PHAF1: variants seen among roughly 807,000 people sequenced by gnomAD.
PHAF1 encodes phagophore assembly factor 1.
Under a neutral mutation model 63.1 loss-of-function variants are expected in PHAF1, and 23 were observed. That is an observed-to-expected ratio of 0.36 (90% CI 0.26 to 0.52). The LOEUF (loss-of-function observed/expected upper bound fraction) is 0.52. Among genes scored for constraint, PHAF1 ranks in the 20% least tolerant of loss-of-function variants. PHAF1 has a pLI of 0.93. For synonymous variants in PHAF1, 167 were observed against 185.0 expected (o/e 0.90, Z 0.79); for missense variants, 427 against 517.2 (o/e 0.83, Z 1.69).
chr16:67,144,737 G>A, intron 11 of PHAF1, 97 bp from the exon 12 acceptor site: 1 of 1,370,018 alleles, frequency 7.3e-7, no homozygotes, highest in Non-Finnish European at 1.0e-6. Context: ...TTGGGCAGGT[G>A]TGTTTGGTTC....
At chr16:67,125,846 G>A (rs1231429785) in intron 2 of PHAF1, 113 bp from the exon 3 acceptor site, 2 of 757,534 alleles carry the variant, frequency 2.6e-6, no homozygotes, top group East Asian at 5.2e-5. Flanking sequence ...GAGGAGAGAG[G>A]GACTGTCTGC....
At chr16:67,144,672 G>A (rs774785322) in intron 11 of PHAF1, among the ~76,000 whole-genome samples, 162 bp from the exon 12 acceptor site, 25 of 152,166 alleles carry the variant, frequency 1.6e-4, no homozygotes, top group African/African-American at 3.6e-4. Flanking sequence ...TTCGACTTCC[G>A]TGCCTAAATC....
chr16:67,113,537 C>T (rs111485993), intron 1 of PHAF1, among the ~76,000 whole-genome samples: 156 of 150,766 alleles, frequency 1.0e-3, no homozygotes, highest in Admixed American at 3.2e-3. Context: ...GCAAGCTCCA[C>T]CTCCCAGGTT....
chr16:67,124,593 T>C (rs1963107549), intron 2 of PHAF1, among the ~76,000 whole-genome samples: 1 of 152,138 alleles, frequency 6.6e-6, no homozygotes, highest in African/African-American at 2.4e-5. Context: ...ATAAAGAAAC[T>C]AAACCTTTGG....
intron 1 of PHAF1, among the ~76,000 whole-genome samples, chr16:67,112,114 C>T (rs1218345144): frequency 1.3e-5 from 2 of 152,076 alleles, no homozygotes; most frequent in Non-Finnish European, 2.9e-5. Context: ...CCTCCCCTCT[C>T]CTTGACAGCT....
intron 10 of PHAF1, among the ~76,000 whole-genome samples, chr16:67,141,482 C>T (rs1280075987): frequency 1.3e-5 from 2 of 152,222 alleles, no homozygotes; most frequent in African/African-American, 2.4e-5. Flanking sequence ...TGCTTGCTCC[C>T]GCTGGGCTCA....
At chr16:67,145,525 G>A in intron 13 of PHAF1, 45 bp from the exon 14 acceptor site, 3 of 1,613,394 alleles carry the variant, frequency 1.9e-6, no homozygotes, top group Non-Finnish European at 2.5e-6. Context: ...TCACAGACAT[G>A]TTCATGTCCC....
intron 14 of PHAF1, among the ~76,000 whole-genome samples, chr16:67,145,936 C>G (rs964720750): frequency 2.6e-5 from 4 of 152,104 alleles, no homozygotes; most frequent in Non-Finnish European, 4.4e-5. Flanking sequence ...GGCTCTTTTT[C>G]CCTTTGAGCT....
intron 10 of PHAF1, among the ~76,000 whole-genome samples, chr16:67,142,024 A>C (rs1285885525): frequency 6.6e-6 from 1 of 152,218 alleles, no homozygotes; most frequent in Admixed American, 6.5e-5. Flanking sequence ...AGACAGCTGG[A>C]GGGTGAGCAA....
At chr16:67,119,879 G>C (rs1039275482) in intron 1 of PHAF1, among the ~76,000 whole-genome samples, 4 of 152,084 alleles carry the variant, frequency 2.6e-5, no homozygotes, top group Admixed American at 6.6e-5. Context: ...AAGAGTCCTT[G>C]CATTCAAAGA....
At chr16:67,131,097 T>C (rs1274377488) in intron 3 of PHAF1, among the ~76,000 whole-genome samples, 189 bp from the exon 4 acceptor site, 1 of 151,738 alleles carries the variant, frequency 6.6e-6, no homozygotes, top group Non-Finnish European at 1.5e-5. Context: ...TAAGATTCTA[T>C]CTCTACAAAA....
chr16:67,121,907 A>C (rs772354053), intron 2 of PHAF1, among the ~76,000 whole-genome samples: 11 of 151,614 alleles, frequency 7.3e-5, no homozygotes, highest in Non-Finnish European at 1.6e-4. Context: ...AATTTATTTT[A>C]GTTTTTTTGA....
At chr16:67,143,796 A>AT (rs1963892177) in intron 10 of PHAF1, among the ~76,000 whole-genome samples, 1 of 151,990 alleles carries the variant, frequency 6.6e-6, no homozygotes, top group African/African-American at 2.4e-5. Flanking sequence ...GACAGAAAAG[A>AT]TAAGGTATGG....
intron 1 of PHAF1, among the ~76,000 whole-genome samples, chr16:67,117,458 A>G (rs985169227): frequency 2.0e-5 from 3 of 151,586 alleles, no homozygotes; most frequent in Non-Finnish European, 4.4e-5. Context: ...ATAATGGGCC[A>G]TGAGTTAAAG....
intron 3 of PHAF1, among the ~76,000 whole-genome samples, chr16:67,127,581 G>A (rs1042848745): frequency 6.6e-6 from 1 of 152,142 alleles, no homozygotes; most frequent in African/African-American, 2.4e-5. Context: ...TGGATCACGA[G>A]GTCAGGAGAT....
At chr16:67,140,455 A>G in intron 9 of PHAF1, 56 bp from the exon 10 acceptor site, 1 of 1,366,286 alleles carries the variant, frequency 7.3e-7, no homozygotes, top group Non-Finnish European at 1.0e-6. Flanking sequence ...CTTTCAGTTA[A>G]TCCAGAACTA....
chr16:67,121,106 G>A (rs1455724185), intron 2 of PHAF1, among the ~76,000 whole-genome samples: 1 of 152,136 alleles, frequency 6.6e-6, no homozygotes, highest in Admixed American at 6.5e-5. Flanking sequence ...GTATTCATGT[G>A]GTGCCTATGA....
intron 10 of PHAF1, among the ~76,000 whole-genome samples, chr16:67,141,339 G>A (rs1963802658): frequency 6.6e-6 from 1 of 152,182 alleles, no homozygotes. Flanking sequence ...GTAGGATGGC[G>A]GCAGGAGGGA....
At chr16:67,140,409 G>T in intron 9 of PHAF1, 102 bp from the exon 10 acceptor site, 1 of 1,074,606 alleles carries the variant, frequency 9.3e-7, no homozygotes, top group East Asian at 2.4e-5. Context: ...TGCTTGTTCC[G>T]CAGCTTAATG....
Sources: gnomAD v4.1 joint callset for allele counts (sites outside exome capture counted in the v4.1 genomes callset) on GRCh38, gnomAD v4.1.1 for gene constraint, MANE v1.5 for transcripts, NCBI Gene and HGNC (gene_info 2026-07-23, HGNC 2026-07-21) for gene names.